Variants in SERPINA12 observed in about 807,000 individuals in gnomAD.
SERPINA12 encodes serpin A12.
In SERPINA12, 21 loss-of-function variants were observed where a neutral mutation model predicts 25.9. That is an observed-to-expected ratio of 0.81 (90% CI 0.58 to 1.17). The LOEUF (loss-of-function observed/expected upper bound fraction) is 1.17. Ranked by LOEUF, SERPINA12 falls within the 50% of genes most tolerant of loss-of-function variation. The probability of loss-of-function intolerance (pLI) is 0.00; values close to 1 mark genes in which losing one functional copy is unlikely to be tolerated. For synonymous variants in SERPINA12, 220 were observed against 196.0 expected, an observed-to-expected ratio of 1.12 and a Z score of -1.02; for missense variants, 562 against 508.3, an observed-to-expected ratio of 1.11 and a Z score of -1.02.
chr14:94,513,693 G>T (rs186268575), upstream of SERPINA12, among the ~76,000 whole-genome samples: 97 of 152,304 alleles, frequency 6.4e-4, no homozygotes, highest in Admixed American at 1.4e-3. Context: ...CTGGACCAAT[G>T]GCTTTCATTT....
At chr14:94,490,663 T>C (rs992266276) in intron 3 of SERPINA12, among the ~76,000 whole-genome samples, 1 of 152,078 alleles carries the variant, frequency 6.6e-6, no homozygotes, top group Non-Finnish European at 1.5e-5. Flanking sequence ...ATTTCTTTTC[T>C]TCCTTTTATA....
upstream of SERPINA12, among the ~76,000 whole-genome samples, chr14:94,513,301 T>A (rs1487753540): frequency 6.6e-6 from 1 of 152,158 alleles, no homozygotes; most frequent in African/African-American, 2.4e-5. Context: ...GAAGGACAAT[T>A]ACTTTCAGAG....
chr14:94,498,503 G>C (rs1289878141), intron 1 of SERPINA12, 73 bp from the exon 2 acceptor site: 1 of 1,229,102 alleles, frequency 8.1e-7, no homozygotes, highest in Non-Finnish European at 1.1e-6. Flanking sequence ...CCAGATGAAA[G>C]AAGAAATACA....
chr14:94,494,864 G>A (rs879827353), intron 3 of SERPINA12, among the ~76,000 whole-genome samples: 3 of 152,158 alleles, frequency 2.0e-5, no homozygotes, highest in African/African-American at 2.4e-5. Context: ...CTCAGCTAAA[G>A]GTTGTAACCT....
At position 94,497,783 on chromosome 14, in the gene SERPINA12, T is replaced by C; in HGVS notation, c.615A>G (p.Ala205=). The C allele has an allele frequency of 6.2e-7, 1 of 1,605,008 alleles. No individual in the cohort carries two copies. The highest frequency in any genetic ancestry group is 8.5e-7 in the Non-Finnish European group (1 of 1,176,124). The stretch of plus-strand genomic sequence containing the variant: ...CCTTACCTCGAAAGAAAATATAATT[T>C]GCAAGAAGCATCACAGTGCCGGGGT... The part of the protein sequence containing the change: ...NIDPGTVMLL[A]NYIFFRARWK... The change falls in exon 2 of 5, where the codon GCA becomes GCG. Residue 205 remains alanine, a synonymous_variant. Transcript: ENST00000677451.
At chr14:94,505,061 G>A (rs1047133081) in intron 1 of SERPINA12, among the ~76,000 whole-genome samples, 1 of 152,160 alleles carries the variant, frequency 6.6e-6, no homozygotes, top group African/African-American at 2.4e-5. Flanking sequence ...GAGCTCCAGT[G>A]AGCAGAAAAA....
chr14:94,498,612 C>A (rs1412343583), intron 1 of SERPINA12, among the ~76,000 whole-genome samples, 182 bp from the exon 2 acceptor site: 1 of 152,192 alleles, frequency 6.6e-6, no homozygotes, highest in African/African-American at 2.4e-5. Context: ...ATGACTTCTA[C>A]ACTTTGTAAA....
At chr14:94,514,902 T>A (rs1439890504) in intron 2 of SERPINA12, among the ~76,000 whole-genome samples, 3 of 152,062 alleles carry the variant, frequency 2.0e-5, no homozygotes, top group Non-Finnish European at 2.9e-5. Context: ...TGCAGCCCAG[T>A]GGGAGAACAG....
At chr14:94,516,845 G>A (rs968491709) in intron 1 of SERPINA12, among the ~76,000 whole-genome samples, 5 of 152,198 alleles carry the variant, frequency 3.3e-5, no homozygotes, top group African/African-American at 1.2e-4. Context: ...ACAGGGGTCA[G>A]GGTAGAACAG....
At chr14:94,494,731 AG>A (rs1900321901) in intron 3 of SERPINA12, among the ~76,000 whole-genome samples, 1 of 152,228 alleles carries the variant, frequency 6.6e-6, no homozygotes, top group Admixed American at 6.5e-5. Flanking sequence ...GGAAGGAAAG[AG>A]GAATTTGCAT....
chr14:94,492,750 G>A (rs535587070), intron 3 of SERPINA12, among the ~76,000 whole-genome samples: 4 of 152,292 alleles, frequency 2.6e-5, no homozygotes, highest in Admixed American at 6.5e-5. Context: ...CAATATGTAC[G>A]GAAATGTGTG....
At chr14:94,503,588 G>T (rs1256843178) in intron 1 of SERPINA12, among the ~76,000 whole-genome samples, 3 of 152,248 alleles carry the variant, frequency 2.0e-5, no homozygotes, top group Admixed American at 6.5e-5. Context: ...AAGGCTGAGA[G>T]ATCATTGACT....
intron 3 of SERPINA12, among the ~76,000 whole-genome samples, chr14:94,494,167 A>G (rs183019172): frequency 6.6e-6 from 1 of 152,274 alleles, no homozygotes; most frequent in African/African-American, 2.4e-5. Context: ...GTGGGGTGGA[A>G]GACCTGGCAT....
chr14:94,494,622 A>G (rs940583028), intron 3 of SERPINA12, among the ~76,000 whole-genome samples: 1 of 152,164 alleles, frequency 6.6e-6, no homozygotes, highest in Non-Finnish European at 1.5e-5. Context: ...CTTCAACCTG[A>G]GGGTAAGAGG....
chr14:94,516,801 C>T (rs751183361), intron 1 of SERPINA12, among the ~76,000 whole-genome samples: 1 of 152,180 alleles, frequency 6.6e-6, no homozygotes, highest in Non-Finnish European at 1.5e-5. Context: ...AAACCTGGTT[C>T]AGGTGCCCCT....
At chr14:94,514,784 A>G (rs770782770) in intron 2 of SERPINA12, among the ~76,000 whole-genome samples, 1 of 152,018 alleles carries the variant, frequency 6.6e-6, no homozygotes, top group Non-Finnish European at 1.5e-5. Context: ...TGGGGCTTTG[A>G]GTCTGTAGTT....
chr14:94,499,051 C>T (rs1473135056), intron 1 of SERPINA12, among the ~76,000 whole-genome samples: 1 of 152,176 alleles, frequency 6.6e-6, no homozygotes, highest in Admixed American at 6.5e-5. Context: ...TACCCACTTC[C>T]ATGTTTCCAA....
chr14:94,501,301 C>G (rs1900710350), intron 1 of SERPINA12, among the ~76,000 whole-genome samples: 4 of 152,134 alleles, frequency 2.6e-5, no homozygotes, highest in Admixed American at 2.6e-4. Flanking sequence ...ACATTCTCAG[C>G]AGCGGTGAAA....
intron 1 of SERPINA12, 114 bp from the exon 2 acceptor site, chr14:94,498,544 A>G (rs1900573776): frequency 3.5e-6 from 3 of 845,430 alleles, no homozygotes; most frequent in African/African-American, 1.7e-5. Flanking sequence ...ATAGCAGTTT[A>G]TGAGTGCTTT....
Sources: gnomAD v4.1 joint callset for allele counts (sites outside exome capture counted in the v4.1 genomes callset) on GRCh38, gnomAD v4.1.1 for gene constraint, MANE v1.5 for transcripts, NCBI Gene and HGNC (gene_info 2026-07-23, HGNC 2026-07-21) for gene names.